MMS22L: variants seen among roughly 807,000 people sequenced by gnomAD.
MMS22L encodes the protein protein MMS22-like.
Under a neutral mutation model 159.1 loss-of-function variants are expected in MMS22L, and 74 were observed. That is an observed-to-expected ratio of 0.47 (90% CI 0.39 to 0.56). The LOEUF (loss-of-function observed/expected upper bound fraction) is 0.56. Among genes scored for constraint, MMS22L ranks in the 20% least tolerant of loss-of-function variants. The pLI is 0.00. For missense variants in MMS22L, 1,351 were observed against 1,422.1 expected (o/e 0.95, Z 0.80); for synonymous variants, 517 against 506.9 (o/e 1.02, Z -0.27).
At chr6:97,212,359 C>T (rs1210915551) in intron 14 of MMS22L, among the ~76,000 whole-genome samples, 2 of 152,136 alleles carry the variant, frequency 1.3e-5, no homozygotes, top group Non-Finnish European at 2.9e-5. Flanking sequence ...ACCAAGAAAG[C>T]AATTTATGTA....
At chr6:97,260,688 G>A (rs1814369502) in intron 9 of MMS22L, 1 of 152,114 alleles carries the variant, frequency 6.6e-6, no homozygotes, top group African/African-American at 2.4e-5. Context: ...ATCAACTAAA[G>A]TGTTATCAAA....
chr6:97,275,208 A>G (rs1214208626), intron 4 of MMS22L, among the ~76,000 whole-genome samples: 1 of 152,226 alleles, frequency 6.6e-6, no homozygotes. Context: ...ACTAATCAAT[A>G]CAAATAGTTT....
chr6:97,245,850 G>GACACACACACACACACAC (rs56380746), intron 11 of MMS22L: 9 of 116,398 alleles, frequency 7.7e-5, no homozygotes, highest in East Asian at 4.2e-4. Flanking sequence ...AGCTACTACA[G>GACACACACACACACACAC]ACACACACAC....
At chr6:97,240,068 G>C (rs1395561149) in intron 11 of MMS22L, among the ~76,000 whole-genome samples, 1 of 152,052 alleles carries the variant, frequency 6.6e-6, no homozygotes, top group Non-Finnish European at 1.5e-5. Flanking sequence ...ACATGACCAT[G>C]GTCAGATTTC....
At chr6:97,153,947 ATTTG>A (rs1013611984) in intron 22 of MMS22L, among the ~76,000 whole-genome samples, 3 of 152,114 alleles carry the variant, frequency 2.0e-5, no homozygotes, top group African/African-American at 7.2e-5. Context: ...GTGTGGACAT[ATTTG>A]TTCATTTCTC....
In MMS22L at chr6:97,149,324, ACT is replaced by A. The variant is rs549141586; in HGVS notation, c.3650+527_3650+528del. ...ATAGGCTTATTCCCACAATGTTGAG[ACT>A]CTAAATAGTCCAGCACTATTTTCAG... On this transcript the variant is annotated intron_variant, in intron 24 of 24. Coordinates refer to ENST00000683635, the MANE Select transcript of MMS22L (RefSeq NM_001350599.2). Among the ~76,000 whole-genome samples the A allele has an allele frequency of 2.0e-5, 3 of 152,230 alleles. No individual in the cohort carries two copies. In the South Asian group the frequency reaches 6.2e-4, roughly 32 times the overall value.
chr6:97,198,003 A>G (rs1562448416), intron 14 of MMS22L, among the ~76,000 whole-genome samples: 1 of 152,080 alleles, frequency 6.6e-6, no homozygotes, highest in Non-Finnish European at 1.5e-5. Flanking sequence ...ATTCTTTGAC[A>G]CTTCTTGATT....
At chr6:97,201,897 T>A (rs951415610) in intron 14 of MMS22L, among the ~76,000 whole-genome samples, 1 of 152,180 alleles carries the variant, frequency 6.6e-6, no homozygotes, top group African/African-American at 2.4e-5. Flanking sequence ...TCCATTAGGT[T>A]TAAATATTGG....
At chr6:97,220,633 A>G (rs918226634) in intron 14 of MMS22L, among the ~76,000 whole-genome samples, 1 of 152,040 alleles carries the variant, frequency 6.6e-6, no homozygotes, top group Non-Finnish European at 1.5e-5. Flanking sequence ...GAAAGAAGAT[A>G]AAAGGAATTC....
chr6:97,170,765 G>T (rs532868201), intron 19 of MMS22L, among the ~76,000 whole-genome samples: 1 of 152,184 alleles, frequency 6.6e-6, no homozygotes, highest in Non-Finnish European at 1.5e-5. Context: ...CCAGCACTTT[G>T]GGAGGCTGAG....
chr6:97,173,913 T>C (rs1158761558), intron 18 of MMS22L, among the ~76,000 whole-genome samples: 1 of 151,372 alleles, frequency 6.6e-6, no homozygotes, highest in Non-Finnish European at 1.5e-5. Context: ...GGGTGAAAGG[T>C]CACAAAAGAA....
At chr6:97,178,369 T>G in intron 18 of MMS22L, 74 bp downstream of exon 18, 1 of 1,144,994 alleles carries the variant, frequency 8.7e-7, no homozygotes, top group Middle Eastern at 2.3e-4. Context: ...TAGAAAAACT[T>G]TAAGAATACT....
intron 8 of MMS22L, 27 bp from the exon 9 acceptor site, chr6:97,263,475 T>C: frequency 8.1e-7 from 1 of 1,235,838 alleles, no homozygotes. Context: ...AAATGTGTTA[T>C]TTATAAGACA....
Position 97,146,279 on chromosome 6 carries a change from T to C in MMS22L, c.*527A>G, listed in dbSNP as rs1038550899. The C allele has an allele frequency of 1.3e-5, 2 of 152,296 alleles. No individual in the cohort carries two copies. Among genetic ancestry groups the C allele is most frequent in the African/African-American group, 4.8e-5 (2 of 41,444 alleles). The allele number at this position is 152,296 out of a possible 1,614,324, so 9.4% of individuals were successfully genotyped here. A position where few individuals can be genotyped will look rare whatever the true frequency, so the allele number is the denominator to read the frequency against. On this transcript the variant is annotated 3_prime_UTR_variant, in exon 25 of 25. Transcript: ENST00000683635. ...TTAAGTGTGCTTTGTAAGGGTTTTC[T>C]TTGTTAACTTGCCTCACACATATAA...
Position 97,281,307 on chromosome 6 carries a change from T to G in MMS22L, c.220A>C (p.Ile74Leu), listed in dbSNP as rs200286016. Residue 74 changes from isoleucine (I) to leucine (L), a missense_variant, in exon 3 of 25, where the codon ATA becomes CTA. Physicochemically the swap from Ile to Leu is conservative, Grantham distance 5 (BLOSUM62 2). Coordinates refer to ENST00000683635, the MANE Select transcript of MMS22L (RefSeq NM_001350599.2). Reference protein sequence around the residue: ...PTNFEEDTLEIFGIQWVTETA... With the variant: ...PTNFEEDTLELFGIQWVTETA... ...TCAGTAACCCACTGAATGCCAAATA[T>G]TTCCAAGGTATCTTCTTCAAAATTA... 11 of 1,610,052 alleles carry G rather than the reference T, an allele frequency of 6.8e-6. No homozygotes were observed. Among genetic ancestry groups the G allele is most frequent in the Admixed American group, 5.0e-5 (3 of 59,532 alleles).
At chr6:97,174,866 G>GA (rs575796983) in intron 18 of MMS22L, among the ~76,000 whole-genome samples, 59 of 152,284 alleles carry the variant, frequency 3.9e-4, no homozygotes, top group African/African-American at 1.3e-3. Flanking sequence ...AATGTGAAAT[G>GA]AAAAAGATAA....
chr6:97,274,626 C>T (rs1816074898), intron 4 of MMS22L, among the ~76,000 whole-genome samples: 1 of 151,920 alleles, frequency 6.6e-6, no homozygotes, highest in Non-Finnish European at 1.5e-5. Context: ...GAAGAGAACC[C>T]AAATACAGCC....
At chr6:97,210,647 A>G (rs916401464) in intron 14 of MMS22L, among the ~76,000 whole-genome samples, 3 of 151,956 alleles carry the variant, frequency 2.0e-5, no homozygotes, top group Admixed American at 1.3e-4. Flanking sequence ...GTCTATATAG[A>G]AATCATGGAA....
rs1011604017 is a variant in MMS22L at position 97,217,833 on chromosome 6, A to G, written c.2039+11061T>C. On this transcript the variant is annotated intron_variant, in intron 14 of 24. Transcript: ENST00000683635. ...GAGTCACTCAATAGGCCCTTTCATTACAGAATCTTCGGTTCTGAGAAATTT... is the reference window on the plus strand; with the variant it reads ...GAGTCACTCAATAGGCCCTTTCATTGCAGAATCTTCGGTTCTGAGAAATTT... Among the ~76,000 whole-genome samples the G allele has an allele frequency of 3.3e-5, 5 of 152,138 alleles. No individual in the cohort carries two copies. In the South Asian group the frequency reaches 1.0e-3, roughly 31 times the overall value.
Sources: allele counts gnomAD v4.1 joint callset (sites outside exome capture counted in the v4.1 genomes callset), GRCh38; gene constraint gnomAD v4.1.1; transcripts MANE v1.5; gene names NCBI Gene and HGNC (gene_info 2026-07-23, HGNC 2026-07-21).